The following VPS13B variants were observed in gnomAD, a reference collection of about 807,000 sequenced individuals.
VPS13B encodes intermembrane lipid transfer protein VPS13B.
VPS13B carries 285 observed loss-of-function variants against 426.4 expected under a neutral mutation model. That is an observed-to-expected ratio of 0.67 (90% confidence interval 0.61 to 0.74). The LOEUF is 0.74. Among genes scored for constraint, VPS13B ranks in the 30% least tolerant of loss-of-function variants. VPS13B has a pLI of 0.00. For missense variants in VPS13B, 4,537 were observed against 4,782.6 expected (o/e 0.95, Z 1.51); for synonymous variants, 1,676 against 1,676.4 (o/e 1.00, Z 0.01).
chr8:99,576,112 G>A (rs1208693429), intron 32 of VPS13B, among the ~76,000 whole-genome samples: 1 of 152,072 alleles, frequency 6.6e-6, no homozygotes, highest in South Asian at 2.1e-4. Context: ...AGCTACTCTT[G>A]TTGCCCTCTA....
chr8:99,292,198 A>T (rs942361651), intron 19 of VPS13B, among the ~76,000 whole-genome samples: 1 of 152,144 alleles, frequency 6.6e-6, no homozygotes, highest in Non-Finnish European at 1.5e-5. Context: ...TTTGTTGTTA[A>T]CAAAGCATGG....
At chr8:99,308,707 G>T (rs976659783) in intron 19 of VPS13B, among the ~76,000 whole-genome samples, 1 of 152,160 alleles carries the variant, frequency 6.6e-6, no homozygotes, top group Non-Finnish European at 1.5e-5. Flanking sequence ...TAATGGGATG[G>T]CTGGGTCAAA....
intron 4 of VPS13B, among the ~76,000 whole-genome samples, chr8:99,100,839 G>A (rs1039052343): frequency 7.9e-5 from 12 of 151,790 alleles, no homozygotes; most frequent in Non-Finnish European, 1.6e-4. Flanking sequence ...TCAGGAGTTC[G>A]AGACCAGCCT....
intron 35 of VPS13B, chr8:99,696,779 T>A: frequency 7.1e-7 from 1 of 1,408,654 alleles, no homozygotes; most frequent in South Asian, 1.1e-5. Context: ...CATGCGTTTT[T>A]CCAAATTATT....
chr8:99,856,886 A>G (rs1226259286), intron 56 of VPS13B, among the ~76,000 whole-genome samples: 3 of 150,766 alleles, frequency 2.0e-5, no homozygotes, highest in Non-Finnish European at 4.4e-5. Flanking sequence ...AAAAATAAAA[A>G]AGTATGGGTG....
chr8:99,337,948 G>A (rs564621851), intron 19 of VPS13B, among the ~76,000 whole-genome samples: 1 of 152,038 alleles, frequency 6.6e-6, no homozygotes, highest in East Asian at 1.9e-4. Flanking sequence ...AAAGCATCAT[G>A]TGTTGAAAAG....
chr8:99,476,927 T>G (rs957247806), intron 24 of VPS13B, among the ~76,000 whole-genome samples: 1 of 152,196 alleles, frequency 6.6e-6, no homozygotes, highest in Non-Finnish European at 1.5e-5. Context: ...TTACATTAAT[T>G]TATATTTTTC....
intron 37 of VPS13B, among the ~76,000 whole-genome samples, chr8:99,718,655 A>T (rs953741485): frequency 3.3e-5 from 5 of 151,144 alleles, no homozygotes; most frequent in African/African-American, 9.7e-5. Context: ...TTAAATGTGA[A>T]TTTTTTTCTT....
intron 42 of VPS13B, among the ~76,000 whole-genome samples, chr8:99,779,862 A>G (rs1036054381): frequency 3.3e-5 from 5 of 152,172 alleles, no homozygotes; most frequent in African/African-American, 9.7e-5. Flanking sequence ...CATTTTGTAT[A>G]TATTACATTT....
chr8:99,610,590 G>C (rs1231514138), intron 33 of VPS13B, among the ~76,000 whole-genome samples: 1 of 151,968 alleles, frequency 6.6e-6, no homozygotes. Flanking sequence ...CCTGTCAGGG[G>C]GTGGGGGGCT....
intron 58 of VPS13B, among the ~76,000 whole-genome samples, chr8:99,866,403 TG>T (rs1257659283): frequency 6.6e-6 from 1 of 152,114 alleles, no homozygotes; most frequent in African/African-American, 2.4e-5. Context: ...GAGGTGTTGG[TG>T]TGTGTGACAG....
intron 35 of VPS13B, among the ~76,000 whole-genome samples, chr8:99,684,519 G>A (rs1465216082): frequency 1.3e-5 from 2 of 152,180 alleles, no homozygotes; most frequent in Non-Finnish European, 2.9e-5. Flanking sequence ...GCTGCCATTA[G>A]TCTAGGATAA....
chr8:99,160,650 CAAAAAAA>C (rs780385149), intron 15 of VPS13B, among the ~76,000 whole-genome samples: 1 of 68,492 alleles, frequency 1.5e-5, no homozygotes, highest in Non-Finnish European at 3.0e-5. Flanking sequence ...GACCCTGTCT[CAAAAAAA>C]AAAAAAAAAA....
At chr8:99,461,572 A>G (rs1437573437) in intron 23 of VPS13B, among the ~76,000 whole-genome samples, 3 of 152,052 alleles carry the variant, frequency 2.0e-5, no homozygotes, top group Admixed American at 1.3e-4. Flanking sequence ...AGGTTATCTA[A>G]TTGTTTTCCC....
chr8:99,125,450 A>G (rs1355287520), intron 8 of VPS13B, among the ~76,000 whole-genome samples: 1 of 152,304 alleles, frequency 6.6e-6, no homozygotes, highest in African/African-American at 2.4e-5. Context: ...CTCCCAGTTC[A>G]CTGACTCAAT....
intron 51 of VPS13B, among the ~76,000 whole-genome samples, chr8:99,827,511 C>CAA (rs1307809469): frequency 2.7e-4 from 35 of 131,954 alleles, no homozygotes; most frequent in African/African-American, 9.4e-4. Context: ...TTGATCTTTT[C>CAA]AAAAAAAAAA....
rs7832488 is a variant in VPS13B at position 99,853,185 on chromosome 8, G to A, written c.10062-266G>A. 0.23 allele frequency among the ~76,000 whole-genome samples: 35,196 copies of A among 151,922 alleles called. 5,082 individuals are homozygous for A. Among genetic ancestry groups the A allele is most frequent in the African/African-American group, 0.41 (16,979 of 41,376 alleles). ...TACACAAAGACTAGAGGGATTTTGG[G>A]GTAAAAATCTGGTGTTGATAAGGGA... On this transcript the variant is annotated intron_variant, in intron 55 of 61. Transcript: ENST00000357162.
At chr8:99,071,359 G>T (rs967610012) in intron 3 of VPS13B, among the ~76,000 whole-genome samples, 1 of 152,148 alleles carries the variant, frequency 6.6e-6, no homozygotes, top group East Asian at 1.9e-4. Context: ...ACTTGCAGAA[G>T]TATTGCCTTT....
At chr8:99,038,603 A>G in intron 3 of VPS13B, 37 bp downstream of exon 3, 2 of 1,584,870 alleles carry the variant, frequency 1.3e-6, no homozygotes, top group Non-Finnish European at 1.7e-6. Flanking sequence ...TATGTTAACT[A>G]ATTTTAGTAG....
Sources: gnomAD v4.1 joint callset for allele counts (sites outside exome capture counted in the v4.1 genomes callset) on GRCh38, gnomAD v4.1.1 for gene constraint, MANE v1.5 for transcripts, NCBI Gene and HGNC (gene_info 2026-07-23, HGNC 2026-07-21) for gene names.